DENND1A: variants seen among roughly 807,000 people sequenced by gnomAD.
DENND1A encodes the protein DENN domain containing 1A, also known as DENN domain-containing protein 1A.
Under a neutral mutation model 113.7 loss-of-function variants are expected in DENND1A, and 51 were observed. That is an observed-to-expected ratio of 0.45 (90% CI 0.36 to 0.57). The LOEUF (loss-of-function observed/expected upper bound fraction) is 0.57. Among genes scored for constraint, DENND1A ranks in the 20% least tolerant of loss-of-function variants. The pLI, the probability that DENND1A is intolerant of heterozygous loss-of-function variation, is 0.00. For synonymous variants in DENND1A, 565 were observed against 570.8 expected (o/e 0.99, Z 0.14); for missense variants, 1,258 against 1,395.9 (o/e 0.90, Z 1.57).
intron 13 of DENND1A, among the ~76,000 whole-genome samples, chr9:123,468,236 A>G (rs2049114816): frequency 6.6e-6 from 1 of 152,186 alleles, no homozygotes; most frequent in African/African-American, 2.4e-5. Flanking sequence ...ATGTGGGTAG[A>G]GCTACCTGCC....
intron 10 of DENND1A, among the ~76,000 whole-genome samples, chr9:123,613,706 A>G (rs937123765): frequency 2.0e-5 from 3 of 152,250 alleles, no homozygotes; most frequent in Non-Finnish European, 4.4e-5. Flanking sequence ...TAATTAAATT[A>G]AAGTGGTGAT....
chr9:123,690,040 G>A (rs2065067138), intron 5 of DENND1A, among the ~76,000 whole-genome samples: 1 of 132,574 alleles, frequency 7.5e-6, no homozygotes, highest in African/African-American at 2.8e-5. Flanking sequence ...AAGAAAAGGA[G>A]GGAAGAAGGA....
chr9:123,681,591 C>A (rs2064462728), intron 5 of DENND1A, among the ~76,000 whole-genome samples: 1 of 152,072 alleles, frequency 6.6e-6, no homozygotes, highest in African/African-American at 2.4e-5. Flanking sequence ...AAGAGAGTTA[C>A]AAATCCAGTT....
chr9:123,693,659 T>A (rs1226814107), intron 5 of DENND1A, among the ~76,000 whole-genome samples: 1 of 152,096 alleles, frequency 6.6e-6, no homozygotes, highest in Non-Finnish European at 1.5e-5. Flanking sequence ...CAAGTTTTCA[T>A]GGCAATAGAG....
At chr9:123,516,316 G>A (rs939842568) in intron 13 of DENND1A, among the ~76,000 whole-genome samples, 4 of 152,072 alleles carry the variant, frequency 2.6e-5, no homozygotes, top group Admixed American at 2.6e-4. Context: ...AGATGTATTT[G>A]TTACAATTTT....
At chr9:123,431,954 G>A (rs1197351615) in intron 19 of DENND1A, among the ~76,000 whole-genome samples, 3 of 152,176 alleles carry the variant, frequency 2.0e-5, no homozygotes, top group Non-Finnish European at 2.9e-5. Flanking sequence ...CATGAACTTG[G>A]GCTGAACAGA....
chr9:123,609,497 G>A lies in DENND1A; in HGVS notation c.720-16C>T, dbSNP rs761863187. 3 of 1,611,936 alleles carry A rather than the reference G, an allele frequency of 1.9e-6. No homozygotes were observed. In the Admixed American group the frequency reaches 5.0e-5, roughly 27 times the overall value. On this transcript the variant is annotated splice_polypyrimidine_tract_variant and intron_variant, in intron 10 of 23. Coordinates refer to ENST00000394215, the MANE Select transcript of DENND1A (RefSeq NM_001352964.2). ...CATGGGAGCACTGTGAAGAGAAACA[G>A]AGACACACAGCTGCTTTAATGTCTG...
chr9:123,868,781 G>A (rs915194446), intron 2 of DENND1A, among the ~76,000 whole-genome samples: 1 of 152,238 alleles, frequency 6.6e-6, no homozygotes, highest in African/African-American at 2.4e-5. Flanking sequence ...TTAGGAAAAA[G>A]AAGAAATCTG....
chr9:123,801,816 T>C (rs900650653), intron 2 of DENND1A, among the ~76,000 whole-genome samples: 2 of 152,220 alleles, frequency 1.3e-5, no homozygotes, highest in Admixed American at 1.3e-4. Flanking sequence ...TATAAATCCC[T>C]AAACCTGGCC....
chr9:123,580,335 T>G (rs2058829141), intron 12 of DENND1A, among the ~76,000 whole-genome samples: 1 of 152,220 alleles, frequency 6.6e-6, no homozygotes, highest in African/African-American at 2.4e-5. Context: ...ATTTTGTTAC[T>G]CTCTCTCCTG....
At chr9:123,721,484 C>T (rs1207205818) in intron 5 of DENND1A, among the ~76,000 whole-genome samples, 1 of 152,218 alleles carries the variant, frequency 6.6e-6, no homozygotes, top group Non-Finnish European at 1.5e-5. Flanking sequence ...GGTTTCATCC[C>T]ATTTCCCATC....
At chr9:123,626,074 G>C (rs1455247191) in intron 10 of DENND1A, among the ~76,000 whole-genome samples, 1 of 150,296 alleles carries the variant, frequency 6.7e-6, no homozygotes, top group Non-Finnish European at 1.5e-5. Context: ...TTTTTTTTCT[G>C]TGGAGATGGC....
chr9:123,414,222 C>T (rs2044538039), intron 19 of DENND1A: 2 of 1,185,764 alleles, frequency 1.7e-6, no homozygotes, highest in African/African-American at 1.6e-5. Flanking sequence ...GTACAGGTAA[C>T]AGCACTGCCT....
intron 13 of DENND1A, among the ~76,000 whole-genome samples, chr9:123,536,937 AT>A (rs2055829908): frequency 1.3e-5 from 2 of 151,334 alleles, no homozygotes; most frequent in South Asian, 2.1e-4. Context: ...AGGAAACCTA[AT>A]TTCACATAAA....
intron 13 of DENND1A, among the ~76,000 whole-genome samples, chr9:123,470,453 C>A (rs142669167): frequency 7.9e-5 from 12 of 151,970 alleles, no homozygotes; most frequent in Admixed American, 2.6e-4. Context: ...AAAGGAAGCG[C>A]CAAGCTGATT....
chr9:123,588,643 G>GGA (rs2059313564), intron 11 of DENND1A, among the ~76,000 whole-genome samples: 1 of 122,926 alleles, frequency 8.1e-6, no homozygotes, highest in Non-Finnish European at 1.7e-5. Context: ...AGGGGGGGGG[G>GGA]GAAGAGAAAA....
chr9:123,569,539 T>A (rs531283486), intron 12 of DENND1A: 1 of 152,338 alleles, frequency 6.6e-6, no homozygotes, highest in East Asian at 1.9e-4. Flanking sequence ...CCTCGATCGT[T>A]GACAAATCAT....
At chr9:123,567,782 G>A (rs1258199103) in intron 12 of DENND1A, among the ~76,000 whole-genome samples, 1 of 152,180 alleles carries the variant, frequency 6.6e-6, no homozygotes, top group African/African-American at 2.4e-5. Context: ...AGGCCCAAAA[G>A]ATGAGCATAT....
intron 2 of DENND1A, among the ~76,000 whole-genome samples, chr9:123,808,781 C>A (rs1438368194): frequency 6.6e-6 from 1 of 152,172 alleles, no homozygotes; most frequent in African/African-American, 2.4e-5. Context: ...ACATCTTCAA[C>A]TCCATCCTTC....
Sources: allele counts gnomAD v4.1 joint callset (sites outside exome capture counted in the v4.1 genomes callset), GRCh38; gene constraint gnomAD v4.1.1; transcripts MANE v1.5; gene names NCBI Gene and HGNC (gene_info 2026-07-23, HGNC 2026-07-21).